Variants in CARMIL1 observed in about 807,000 individuals in gnomAD.
The protein encoded by CARMIL1 is capping protein regulator and myosin 1 linker 1.
In CARMIL1, 90 loss-of-function variants were observed where a neutral mutation model predicts 177.1. The ratio of observed to expected loss-of-function variants is 0.51; its 90% CI spans 0.43 to 0.61. The LOEUF (loss-of-function observed/expected upper bound fraction) is 0.61, where lower values mean the gene tolerates loss of function less well. Ranked by LOEUF, CARMIL1 falls within the 20% of genes least tolerant of loss-of-function variation. CARMIL1 has a pLI of 0.00. For missense variants in CARMIL1, 1,380 were observed against 1,667.0 expected (o/e 0.83, Z 3.00); for synonymous variants, 577 against 606.2 (o/e 0.95, Z 0.71).
chr6:25,461,287 G>A (rs950500658), intron 8 of CARMIL1, among the ~76,000 whole-genome samples: 6 of 152,030 alleles, frequency 3.9e-5, no homozygotes, highest in Non-Finnish European at 5.9e-5. Flanking sequence ...ACTACCTTGC[G>A]TGCATGAAGT....
At chr6:25,565,830 A>G (rs1811511714) in intron 29 of CARMIL1, among the ~76,000 whole-genome samples, 1 of 152,180 alleles carries the variant, frequency 6.6e-6, no homozygotes. Flanking sequence ...ACAGAGTGAG[A>G]CTCCGTCTCA....
rs752662128 is a variant in CARMIL1 at position 25,550,983 on chromosome 6, A to G, written c.2402A>G (p.Gln801Arg). Residue 801 changes from glutamine (Q) to arginine (R), a missense_variant, in exon 27 of 37, where the codon CAA becomes CGA. Coordinates refer to ENST00000329474, the MANE Select transcript of CARMIL1 (RefSeq NM_017640.6). ...PNVMKKAHIR[Q>R]DLIHASTEKI... ...GTGATGAAAAAAGCCCACATTCGAC[A>G]AGACTTGATTCATGCCAGCACCGAA... 33 of 1,613,604 alleles carry G rather than the reference A, an allele frequency of 2.0e-5. No individual in the cohort carries two copies. Among genetic ancestry groups the G allele is most frequent in the Non-Finnish European group, 2.7e-5 (32 of 1,179,620 alleles).
At chr6:25,484,777 C>A (rs553874912) in intron 12 of CARMIL1, among the ~76,000 whole-genome samples, 32 of 152,246 alleles carry the variant, frequency 2.1e-4, no homozygotes, top group African/African-American at 7.2e-4. Context: ...TAGTGTTAAT[C>A]TATTTTTAAA....
At chr6:25,313,726 A>T (rs555156620) in intron 2 of CARMIL1, among the ~76,000 whole-genome samples, 1 of 137,050 alleles carries the variant, frequency 7.3e-6, no homozygotes, top group South Asian at 2.5e-4. Context: ...TGGTGTATTT[A>T]AAAAAATTGG....
At chr6:25,600,210 G>T in intron 32 of CARMIL1, 104 bp from the exon 33 acceptor site, 1 of 1,057,972 alleles carries the variant, frequency 9.5e-7, no homozygotes, top group Non-Finnish European at 1.4e-6. Context: ...GCTTCTGAAT[G>T]GTTACTGTAT....
chr6:25,372,368 A>G (rs1200678300), intron 2 of CARMIL1, among the ~76,000 whole-genome samples: 1 of 152,088 alleles, frequency 6.6e-6, no homozygotes, highest in Non-Finnish European at 1.5e-5. Flanking sequence ...GATTCTTCCA[A>G]TTCATGAGGA....
chr6:25,556,727 G>A lies in CARMIL1; in HGVS notation c.2619G>A (p.Lys873=). 1 of 1,613,362 alleles carries A rather than the reference G, an allele frequency of 6.2e-7. No homozygotes were observed. The highest frequency in any genetic ancestry group is 8.5e-7 in the Non-Finnish European group (1 of 1,179,612). The change falls in exon 29 of 37, where the codon AAG becomes AAA. Residue 873 remains lysine (K), a synonymous_variant. Coordinates refer to ENST00000329474, the MANE Select transcript of CARMIL1 (RefSeq NM_017640.6). ...CTGACCATTTCAGCAGACGTGGCAAGACCCTTCCTCAACAAGAATCCTTAG... is the reference window on the plus strand; with the variant it reads ...CTGACCATTTCAGCAGACGTGGCAAAACCCTTCCTCAACAAGAATCCTTAG... ...KLADHFSRRG[K]TLPQQESLEI...
intron 8 of CARMIL1, among the ~76,000 whole-genome samples, chr6:25,457,659 T>A (rs1227517923): frequency 6.6e-6 from 1 of 152,096 alleles, no homozygotes; most frequent in African/African-American, 2.4e-5. Flanking sequence ...CTCTGAGTTT[T>A]ACCAGCCGTT....
At chr6:25,354,437 C>T (rs971928211) in intron 2 of CARMIL1, among the ~76,000 whole-genome samples, 1 of 144,892 alleles carries the variant, frequency 6.9e-6, no homozygotes, top group African/African-American at 2.6e-5. Flanking sequence ...CCTTGGCTTC[C>T]CAAAGTGCTG....
rs1191647999 is a variant in CARMIL1, at chr6:25,586,771, G to A, written c.3006+5332G>A. On this transcript the variant is annotated intron_variant, in intron 31 of 36. Transcript: ENST00000329474. ...AGCTGGAGACCAGCCCGGCCAACAC[G>A]GCGAAACCCCGTCTCCACCAAAAAA... 2.6e-5 allele frequency among the ~76,000 whole-genome samples: 4 copies of A among 152,126 alleles called. No individual in the cohort carries two copies. The East Asian group carries it at 7.7e-4, about 29-fold the overall frequency.
Position 25,311,328 on chromosome 6 carries a change from G to A in CARMIL1, c.138+26419G>A, listed in dbSNP as rs140257000. The stretch of plus-strand genomic sequence containing the variant: ...TCAAAGGTAGGAGAATAGGAGAGGA[G>A]ATCACAGCAGTTAATTGCCATCAAG... On this transcript the variant is annotated intron_variant, in intron 2 of 36. Coordinates refer to ENST00000329474, the MANE Select transcript of CARMIL1 (RefSeq NM_017640.6). 3.5e-3 allele frequency among the ~76,000 whole-genome samples: 530 copies of A among 152,282 alleles called. 2 individuals are homozygous for A. Among genetic ancestry groups the A allele is most frequent in the Non-Finnish European group, 6.3e-3 (426 of 68,012 alleles).
intron 2 of CARMIL1, among the ~76,000 whole-genome samples, chr6:25,358,549 G>A (rs1443019459): frequency 1.3e-5 from 2 of 152,110 alleles, no homozygotes; most frequent in African/African-American, 2.4e-5. Flanking sequence ...GATGTTTCCT[G>A]TTATACTTAA....
At chr6:25,399,496 A>C (rs187010594) in intron 2 of CARMIL1, among the ~76,000 whole-genome samples, 3 of 152,372 alleles carry the variant, frequency 2.0e-5, no homozygotes, top group Admixed American at 2.0e-4. Context: ...AAATTGGTCA[A>C]ATCTGGCAAA....
At chr6:25,367,513 C>T (rs1789954018) in intron 2 of CARMIL1, among the ~76,000 whole-genome samples, 1 of 151,976 alleles carries the variant, frequency 6.6e-6, no homozygotes, top group South Asian at 2.1e-4. Flanking sequence ...ATCACCAGTG[C>T]CCCCAGAACA....
chr6:25,314,568 A>G (rs1385677005), intron 2 of CARMIL1, among the ~76,000 whole-genome samples: 1 of 151,986 alleles, frequency 6.6e-6, no homozygotes, highest in Non-Finnish European at 1.5e-5. Flanking sequence ...ATGTATGTAT[A>G]CATTCACACA....
rs1363683971 is a variant in CARMIL1 at position 25,556,720 on chromosome 6, G to A, written c.2612G>A (p.Arg871His). 4 of 1,613,022 alleles carry A rather than the reference G, an allele frequency of 2.5e-6. No individual in the cohort carries two copies. The highest frequency in any genetic ancestry group is 3.4e-6 in the Non-Finnish European group (4 of 1,179,490). The part of the protein sequence containing the change: ...HHKLADHFSR[R>H]GKTLPQQESL... The stretch of plus-strand genomic sequence containing the variant: ...TTCTAGGCTGACCATTTCAGCAGAC[G>A]TGGCAAGACCCTTCCTCAACAAGAA... The change falls in exon 29 of 37, where the codon CGT (arginine) becomes CAT (histidine). Residue 871 changes from arginine to histidine, a missense_variant. Physicochemically the swap from Arg to His is conservative, Grantham distance 29. Transcript: ENST00000329474.
At chr6:25,295,292 G>A (rs965034620) in intron 2 of CARMIL1, among the ~76,000 whole-genome samples, 4 of 151,920 alleles carry the variant, frequency 2.6e-5, no homozygotes, top group Admixed American at 1.3e-4. Flanking sequence ...AATTTTTGAG[G>A]TCAAAGCTTT....
At chr6:25,312,957 A>G in intron 2 of CARMIL1, among the ~76,000 whole-genome samples, 2 of 151,106 alleles carry the variant, frequency 1.3e-5, no homozygotes. Flanking sequence ...GAGTGGAGAG[A>G]AGAAACCCTT....
chr6:25,332,773 G>GCATACACACACA (rs376381821), intron 2 of CARMIL1, among the ~76,000 whole-genome samples: 18,691 of 104,272 alleles, frequency 0.18, 1,244 homozygotes, highest in Middle Eastern at 0.23. Context: ...ACACACACAC[G>GCATACACACACA]CGCACACACA....
Sources: gnomAD v4.1 joint callset for allele counts (sites outside exome capture counted in the v4.1 genomes callset) on GRCh38, gnomAD v4.1.1 for gene constraint, MANE v1.5 for transcripts, NCBI Gene and HGNC (gene_info 2026-07-23, HGNC 2026-07-21) for gene names.